Variants in VPS13B observed in about 807,000 individuals in gnomAD.
VPS13B encodes intermembrane lipid transfer protein VPS13B.
VPS13B carries 285 observed loss-of-function variants against 426.4 expected under a neutral mutation model. That is an observed-to-expected ratio of 0.67 (90% confidence interval 0.61 to 0.74). VPS13B has a LOEUF of 0.74. Ranked by LOEUF, VPS13B falls within the 30% of genes least tolerant of loss-of-function variation. The pLI is 0.00. For missense variants in VPS13B, 4,537 were observed against 4,782.6 expected (o/e 0.95, Z 1.51); for synonymous variants, 1,676 against 1,676.4 (o/e 1.00, Z 0.01).
At chr8:99,071,091 G>A (rs1411905968) in intron 3 of VPS13B, among the ~76,000 whole-genome samples, 1 of 152,080 alleles carries the variant, frequency 6.6e-6, no homozygotes, top group Non-Finnish European at 1.5e-5. Flanking sequence ...TTGGTCATTG[G>A]TGCTTCATTT....
chr8:99,282,862 G>A (rs1405065205), intron 19 of VPS13B, among the ~76,000 whole-genome samples: 2 of 152,046 alleles, frequency 1.3e-5, no homozygotes, highest in African/African-American at 2.4e-5. Flanking sequence ...TTACCAAATT[G>A]TGATAAATTA....
intron 23 of VPS13B, among the ~76,000 whole-genome samples, chr8:99,460,437 T>C (rs1395996616): frequency 1.6e-4 from 24 of 152,150 alleles, no homozygotes; most frequent in Admixed American, 1.6e-3. Flanking sequence ...AGTTACAGTG[T>C]TATAATTATT....
intron 36 of VPS13B, among the ~76,000 whole-genome samples, chr8:99,713,242 C>T (rs1230703755): frequency 1.3e-5 from 2 of 152,146 alleles, no homozygotes; most frequent in Non-Finnish European, 2.9e-5. Flanking sequence ...CCTCTGTATG[C>T]TTTGTAGACA....
At chr8:99,544,545 G>A (rs1823846500) in intron 30 of VPS13B, among the ~76,000 whole-genome samples, 1 of 152,224 alleles carries the variant, frequency 6.6e-6, no homozygotes, top group African/African-American at 2.4e-5. Flanking sequence ...TTTTTGAAAT[G>A]ATTGCTTAGT....
chr8:99,124,320 A>G (rs1478276733), intron 8 of VPS13B, among the ~76,000 whole-genome samples: 1 of 152,238 alleles, frequency 6.6e-6, no homozygotes, highest in Non-Finnish European at 1.5e-5. Flanking sequence ...AGACTGGTAG[A>G]AATGTAAAAT....
chr8:99,432,295 G>T (rs1817156028), intron 22 of VPS13B, among the ~76,000 whole-genome samples: 1 of 151,954 alleles, frequency 6.6e-6, no homozygotes, highest in South Asian at 2.1e-4. Flanking sequence ...ATAGAATTTT[G>T]TATGTACCAG....
intron 17 of VPS13B, chr8:99,233,983 C>T: frequency 1.3e-6 from 1 of 778,898 alleles, no homozygotes. Flanking sequence ...ACTGGGTCTG[C>T]TCAGTGATGT....
intron 2 of VPS13B, among the ~76,000 whole-genome samples, chr8:99,021,233 C>T (rs1841867406): frequency 6.6e-6 from 1 of 152,208 alleles, no homozygotes; most frequent in East Asian, 1.9e-4. Context: ...TACTGTCTCC[C>T]TCTGTACTGA....
intron 35 of VPS13B, among the ~76,000 whole-genome samples, chr8:99,669,471 G>C (rs1035157184): frequency 6.6e-6 from 1 of 151,898 alleles, no homozygotes; most frequent in Non-Finnish European, 1.5e-5. Context: ...TGCCACATTG[G>C]GAAAACATTC....
intron 25 of VPS13B, among the ~76,000 whole-genome samples, chr8:99,490,865 C>A (rs1325069653): frequency 6.6e-6 from 1 of 151,994 alleles, no homozygotes; most frequent in Admixed American, 6.6e-5. Context: ...CTTGGATTCA[C>A]TGATTTTTTG....
chr8:99,774,505 C>G (rs1277326055), intron 40 of VPS13B, among the ~76,000 whole-genome samples: 3 of 152,172 alleles, frequency 2.0e-5, no homozygotes, highest in African/African-American at 7.2e-5. Flanking sequence ...ATATTTGCCA[C>G]TCTCAGGAGA....
chr8:99,758,507 T>C (rs182672679), intron 39 of VPS13B, among the ~76,000 whole-genome samples: 64 of 152,242 alleles, frequency 4.2e-4, no homozygotes, highest in African/African-American at 1.3e-3. Context: ...TTAAAGGAGG[T>C]AGCATTGTTA....
At chr8:99,199,954 A>G (rs894047251) in intron 17 of VPS13B, among the ~76,000 whole-genome samples, 7 of 152,092 alleles carry the variant, frequency 4.6e-5, no homozygotes, top group Admixed American at 2.0e-4. Flanking sequence ...CTTTTAATAT[A>G]TTCACAGAGT....
intron 33 of VPS13B, among the ~76,000 whole-genome samples, chr8:99,613,208 T>A (rs1349892364): frequency 6.6e-6 from 1 of 152,230 alleles, no homozygotes; most frequent in Admixed American, 6.5e-5. Context: ...CTTTTAGGTC[T>A]TTCTGGAGGG....
intron 34 of VPS13B, among the ~76,000 whole-genome samples, chr8:99,648,588 C>G (rs907248564): frequency 6.6e-6 from 1 of 152,070 alleles, no homozygotes; most frequent in African/African-American, 2.4e-5. Flanking sequence ...TCTAATCATT[C>G]ACACTCTATT....
intron 21 of VPS13B, among the ~76,000 whole-genome samples, chr8:99,425,301 A>G (rs1303739763): frequency 6.6e-6 from 1 of 152,242 alleles, no homozygotes; most frequent in East Asian, 1.9e-4. Flanking sequence ...ATGAACATCG[A>G]TGCAAAAATC....
chr8:99,451,929 C>G (rs1588393764), intron 23 of VPS13B, among the ~76,000 whole-genome samples: 1 of 152,326 alleles, frequency 6.6e-6, no homozygotes, highest in South Asian at 2.1e-4. Context: ...TGGCCCTTTT[C>G]TCTTCCTCTT....
chr8:99,477,844 C>T (rs1819778208), intron 24 of VPS13B, among the ~76,000 whole-genome samples: 1 of 152,120 alleles, frequency 6.6e-6, no homozygotes, highest in Non-Finnish European at 1.5e-5. Flanking sequence ...ATATTTGGTG[C>T]TTTCGTGACT....
At chr8:99,695,235 A>G (rs1036933602) in intron 35 of VPS13B, among the ~76,000 whole-genome samples, 3 of 150,206 alleles carry the variant, frequency 2.0e-5, no homozygotes, top group Non-Finnish European at 4.4e-5. Context: ...GCTGCTATAA[A>G]GACACATGCA....
Sources: gnomAD v4.1 joint callset for allele counts (sites outside exome capture counted in the v4.1 genomes callset) on GRCh38, gnomAD v4.1.1 for gene constraint, MANE v1.5 for transcripts, NCBI Gene and HGNC (gene_info 2026-07-23, HGNC 2026-07-21) for gene names.